The following UGT1A9 variants were observed in gnomAD, a reference collection of about 807,000 sequenced individuals.
The protein encoded by UGT1A9 is UDP glucuronosyltransferase family 1 member A9.
UGT1A9 carries 35 observed loss-of-function variants against 45.0 expected under a neutral mutation model. The observed-to-expected ratio is 0.78, with a 90% CI of 0.59 to 1.03. The LOEUF (loss-of-function observed/expected upper bound fraction) is 1.03. Among genes scored for constraint, UGT1A9 ranks in the 50% least tolerant of loss-of-function variants. The pLI, the probability that UGT1A9 is intolerant of heterozygous loss-of-function variation, is 0.00. For missense variants in UGT1A9, 687 were observed against 666.6 expected (o/e 1.03, Z -0.34); for synonymous variants, 278 against 250.6 (o/e 1.11, Z -1.03).
intron 1 of UGT1A9, chr2:233,761,148 C>T: frequency 6.2e-7 from 1 of 1,614,128 alleles, no homozygotes; most frequent in Non-Finnish European, 8.5e-7. Context: ...ATCCACTATC[C>T]CAGGTGTGTA....
chr2:233,704,960 A>G (rs940075749), intron 1 of UGT1A9, among the ~76,000 whole-genome samples: 1 of 152,052 alleles, frequency 6.6e-6, no homozygotes, highest in Admixed American at 6.6e-5. Flanking sequence ...ACATGGTGAA[A>G]CCCCATCTCT....
Position 233,768,249 on chromosome 2 carries a change from C to G in UGT1A9, c.1105C>G (p.His369Asp). 6.2e-7 allele frequency: 1 copy of G among 1,614,198 alleles called. No homozygotes were observed. Among genetic ancestry groups the G allele is most frequent in the East Asian group, 2.2e-5 (1 of 44,878 alleles). The change falls in exon 4 of 5, where the codon CAT becomes GAT. Residue 369 changes from histidine to aspartate, a missense_variant. Transcript: ENST00000354728. ...CCCGATGACCCGTGCCTTTATCACCCATGCTGGTTCCCATGGTGTTTATGA... is the reference window on the plus strand; with the variant it reads ...CCCGATGACCCGTGCCTTTATCACCGATGCTGGTTCCCATGGTGTTTATGA... ...GHPMTRAFITHAGSHGVYESI... is the reference protein window; with the variant it reads ...GHPMTRAFITDAGSHGVYESI...
At chr2:233,699,090 T>C (rs2075483831) in intron 1 of UGT1A9, among the ~76,000 whole-genome samples, 1 of 152,200 alleles carries the variant, frequency 6.6e-6, no homozygotes, top group Non-Finnish European at 1.5e-5. Context: ...TCTAGCCCTG[T>C]GCACCTCATC....
chr2:233,676,702 C>G (rs748281452), intron 1 of UGT1A9, among the ~76,000 whole-genome samples: 1 of 152,142 alleles, frequency 6.6e-6, no homozygotes, highest in African/African-American at 2.4e-5. Flanking sequence ...GAATGTTCCT[C>G]TAGAATGTCA....
chr2:233,672,931 G>T (rs2074245830), intron 1 of UGT1A9, 142 bp downstream of exon 1: 4 of 1,457,148 alleles, frequency 2.7e-6, no homozygotes, highest in African/African-American at 1.4e-5. Context: ...TTGTGCCAAT[G>T]CGTGTACTCG....
At chr2:233,723,536 T>TTTTTA (rs1553611580) in intron 1 of UGT1A9, among the ~76,000 whole-genome samples, 1 of 121,444 alleles carries the variant, frequency 8.2e-6, no homozygotes, top group African/African-American at 3.3e-5. Flanking sequence ...TTTTTTTTTT[T>TTTTTA]AATTTATTTT....
At chr2:233,728,971 A>T (rs1249154361) in intron 1 of UGT1A9, 11 of 1,483,052 alleles carry the variant, frequency 7.4e-6, no homozygotes. Context: ...ACAGTGATAG[A>T]TTAATGGTTA....
At chr2:233,698,596 C>T (rs957890860) in intron 1 of UGT1A9, among the ~76,000 whole-genome samples, 9 of 152,076 alleles carry the variant, frequency 5.9e-5, no homozygotes, top group Admixed American at 2.6e-4. Context: ...CCAAGAAATT[C>T]GGATTAATAA....
At position 233,682,011 on chromosome 2, in the gene UGT1A9, C is replaced by T; in HGVS notation, c.855+9222C>T. 7 of 1,614,162 alleles carry T rather than the reference C, an allele frequency of 4.3e-6. No individual in the cohort carries two copies. Among genetic ancestry groups the T allele is most frequent in the Non-Finnish European group, 5.9e-6 (7 of 1,180,016 alleles). ...CTGCTGACCTGTGGCTTTGCCAAGG[C>T]AGGGAAGCTGCTGGTAGTGCCCATG... On this transcript the variant is annotated intron_variant, in intron 1 of 4. Coordinates refer to ENST00000354728, the MANE Select transcript of UGT1A9 (RefSeq NM_021027.3).
At chr2:233,743,069 T>G in intron 1 of UGT1A9, 1 of 339,242 alleles carries the variant, frequency 2.9e-6, no homozygotes, top group Non-Finnish European at 5.8e-6. Context: ...AGAACAGGTG[T>G]TGGCATGAAG....
In UGT1A9 at chr2:233,768,702, G is replaced by A. The variant is rs573948432; in HGVS notation, c.1295+263G>A. On this transcript the variant is annotated intron_variant, in intron 4 of 4. Coordinates refer to ENST00000354728, the MANE Select transcript of UGT1A9 (RefSeq NM_021027.3). Reference sequence around the variant, plus strand: ...CCCACGTTCAAGCAGTTCTGCCTCAGCCTCCGTGTAGCTGGGATTACAGGT... The same window carrying A: ...CCCACGTTCAAGCAGTTCTGCCTCAACCTCCGTGTAGCTGGGATTACAGGT... 1.1e-4 allele frequency among the ~76,000 whole-genome samples: 17 copies of A among 148,464 alleles called. No homozygotes were observed. In the East Asian group the frequency reaches 3.4e-3, roughly 30 times the overall value.
At chr2:233,694,574 G>A (rs1304688470) in intron 1 of UGT1A9, among the ~76,000 whole-genome samples, 2 of 152,168 alleles carry the variant, frequency 1.3e-5, no homozygotes, top group Admixed American at 1.3e-4. Flanking sequence ...AAATTTCAAT[G>A]TAAATATTTA....
intron 1 of UGT1A9, among the ~76,000 whole-genome samples, chr2:233,695,025 T>A (rs371221092): frequency 5.5e-4 from 84 of 152,350 alleles, no homozygotes; most frequent in African/African-American, 2.0e-3. Context: ...TGAACTGCAG[T>A]ATACATTCTT....
rs200041554 is a variant in UGT1A9, at chr2:233,772,747, T to C, written c.*188T>C. The C allele has an allele frequency of 7.0e-7, 1 of 1,423,162 alleles. No individual in the cohort carries two copies. Among genetic ancestry groups the C allele is most frequent in the South Asian group, 1.5e-5 (1 of 67,222 alleles). The allele number at this position is 1,423,162 out of a possible 1,614,324, so 88.2% of individuals were successfully genotyped here. A position where few individuals can be genotyped will look rare whatever the true frequency, so the allele number is the denominator to read the frequency against. On this transcript the variant is annotated 3_prime_UTR_variant, in exon 5 of 5. Coordinates refer to ENST00000354728, the MANE Select transcript of UGT1A9 (RefSeq NM_021027.3). ...TAGACTCGCTAGTCAGTAAAGATAT[T>C]TGAATATGTATCGTGCCCCCTCTGG...
intron 2 of UGT1A9, 143 bp from the exon 3 acceptor site, chr2:233,767,706 A>C (rs1467899863): frequency 1.1e-5 from 16 of 1,521,756 alleles, no homozygotes; most frequent in Admixed American, 2.0e-5. Flanking sequence ...GCCAGTCCTC[A>C]GAAGCCTTCA....
At chr2:233,749,418 G>A (rs971310619) in intron 1 of UGT1A9, among the ~76,000 whole-genome samples, 1 of 151,768 alleles carries the variant, frequency 6.6e-6, no homozygotes, top group Non-Finnish European at 1.5e-5. Flanking sequence ...TAACTACATT[G>A]CTCAAAACTT....
intron 1 of UGT1A9, among the ~76,000 whole-genome samples, chr2:233,725,596 A>G (rs1198733285): frequency 6.6e-6 from 1 of 152,166 alleles, no homozygotes; most frequent in East Asian, 1.9e-4. Context: ...ACTATTTGAC[A>G]TAGTTTTTTC....
At chr2:233,729,540 C>A in intron 1 of UGT1A9, 1 of 1,614,202 alleles carries the variant, frequency 6.2e-7, no homozygotes, top group Middle Eastern at 1.6e-4. Context: ...AGGCCCTGAT[C>A]AGGCACCTGA....
chr2:233,681,936 T>C (rs1250041568), intron 1 of UGT1A9: 1 of 1,611,852 alleles, frequency 6.2e-7, no homozygotes, highest in Admixed American at 1.7e-5. Flanking sequence ...TGAAGTTCTC[T>C]GATGGCTCGT....
Sources: allele counts gnomAD v4.1 joint callset (sites outside exome capture counted in the v4.1 genomes callset), GRCh38; gene constraint gnomAD v4.1.1; transcripts MANE v1.5; gene names NCBI Gene and HGNC (gene_info 2026-07-23, HGNC 2026-07-21).